The following LRCH3 variants were observed in gnomAD, a reference collection of about 807,000 sequenced individuals.
LRCH3 encodes leucine rich repeats and calponin homology domain containing 3, also known as DISP complex protein LRCH3.
In LRCH3, 68 loss-of-function variants were observed where a neutral mutation model predicts 104.5. The observed-to-expected ratio is 0.65, with a 90% confidence interval of 0.54 to 0.80. The LOEUF (loss-of-function observed/expected upper bound fraction) is 0.80. Ranked by LOEUF, LRCH3 falls within the 30% of genes least tolerant of loss-of-function variation. LRCH3 has a pLI of 0.00. For synonymous variants in LRCH3, 344 were observed against 361.3 expected, an observed-to-expected ratio of 0.95 and a Z score of 0.54; for missense variants, 951 against 953.9, an observed-to-expected ratio of 1.00 and a Z score of 0.04.
At chr3:197,838,227 C>CT (rs1467790167) in intron 9 of LRCH3, among the ~76,000 whole-genome samples, 2 of 152,196 alleles carry the variant, frequency 1.3e-5, no homozygotes, top group East Asian at 3.8e-4. Flanking sequence ...TGAGGCCGGC[C>CT]TGGGCCACAT....
rs1458954502 is a variant in LRCH3, at chr3:197,872,736, T to C, written c.2130+1274T>C. Among the ~76,000 whole-genome samples the C allele has an allele frequency of 2.0e-5, 3 of 152,092 alleles. No individual in the cohort carries two copies. The East Asian group carries it at 5.8e-4, about 29-fold the overall frequency. On this transcript the variant is annotated intron_variant, in intron 19 of 20. Coordinates refer to ENST00000425562, the MANE Select transcript of LRCH3 (RefSeq NM_001365715.1). The stretch of plus-strand genomic sequence containing the variant: ...CCAGGAGTGGTTCATACATCTGTAA[T>C]CCCAGCTACTTGGGAGGCTGAGCCA...
At chr3:197,866,309 ATAGT>A (rs1414018664) in intron 17 of LRCH3, 90 bp downstream of exon 17, 1 of 876,466 alleles carries the variant, frequency 1.1e-6, no homozygotes, top group African/African-American at 1.6e-5. Context: ...ACTTCTGCAT[ATAGT>A]ATAAGACAAA....
At chr3:197,818,059 G>A (rs1309228655) in intron 3 of LRCH3, among the ~76,000 whole-genome samples, 1 of 152,138 alleles carries the variant, frequency 6.6e-6, no homozygotes. Context: ...CTGACCTTGT[G>A]ATCTGCCCAC....
intron 19 of LRCH3, among the ~76,000 whole-genome samples, chr3:197,875,220 G>A (rs892971556): frequency 2.6e-5 from 4 of 151,900 alleles, no homozygotes; most frequent in Non-Finnish European, 5.9e-5. Context: ...GTGAGCCACC[G>A]CACCTGGCAT....
At chr3:197,841,199 T>C (rs1489115188) in intron 10 of LRCH3, among the ~76,000 whole-genome samples, 3 of 152,218 alleles carry the variant, frequency 2.0e-5, no homozygotes, top group East Asian at 3.8e-4. Context: ...ATGTGGAGAC[T>C]GTGGAGGAGA....
chr3:197,880,470 CTTTG>C (rs1018219724), intron 20 of LRCH3: 30 of 1,440,458 alleles, frequency 2.1e-5, no homozygotes, highest in Non-Finnish European at 2.8e-5. Context: ...GATCCACTGA[CTTTG>C]TTTTTCTGTT....
chr3:197,882,733 G>A (rs1041104665), intron 20 of LRCH3: 6 of 985,330 alleles, frequency 6.1e-6, no homozygotes, highest in Middle Eastern at 5.2e-4. Flanking sequence ...ACAAATTAAC[G>A]ATGCACACAT....
chr3:197,866,106 AT>A lies in LRCH3; in HGVS notation c.1766-3del. On this transcript the variant is annotated splice_region_variant and splice_polypyrimidine_tract_variant and intron_variant, in intron 16 of 20. Coordinates refer to ENST00000425562, the MANE Select transcript of LRCH3 (RefSeq NM_001365715.1). ...TAATCTCATTTTATTTTTCATGCTA[AT>A]TTAGTTCATCATTCCCCTGCATATT... 6.3e-7 allele frequency: 1 copy of A among 1,595,996 alleles called. No individual in the cohort carries two copies. Among genetic ancestry groups the A allele is most frequent in the Non-Finnish European group, 8.6e-7 (1 of 1,163,656 alleles).
intron 17 of LRCH3, 87 bp downstream of exon 17, chr3:197,866,306 C>A: frequency 1.1e-6 from 1 of 902,984 alleles, no homozygotes; most frequent in Non-Finnish European, 1.8e-6. Flanking sequence ...TAAACTTCTG[C>A]ATATAGTATA....
chr3:197,799,162 T>G (rs1731596734), intron 1 of LRCH3, among the ~76,000 whole-genome samples: 1 of 152,218 alleles, frequency 6.6e-6, no homozygotes, highest in Non-Finnish European at 1.5e-5. Context: ...CAGGTTCCAG[T>G]TCCTTTTACA....
intron 9 of LRCH3, among the ~76,000 whole-genome samples, chr3:197,836,851 T>C (rs113120944): frequency 0.031 from 4,722 of 152,138 alleles, 87 homozygotes; most frequent in East Asian, 0.048. Flanking sequence ...CTAATTTTTA[T>C]ATTTTTAGTA....
At position 197,856,955 on chromosome 3, in the gene LRCH3, C is replaced by A. The variant is rs543584853; in HGVS notation, c.1645-1879C>A. The stretch of plus-strand genomic sequence containing the variant: ...TTTGATTTAAAGACCTTGAAACTTA[C>A]GATTTGAAATGAAGATTTATAACAG... On this transcript the variant is annotated intron_variant, in intron 14 of 20. Coordinates refer to ENST00000425562, the MANE Select transcript of LRCH3 (RefSeq NM_001365715.1). The surrounding 1 kb of genome is among the most constrained non-coding windows in gnomAD (Gnocchi z 4.2). Among the ~76,000 whole-genome samples, 1 of 152,214 alleles carries A rather than the reference C, an allele frequency of 6.6e-6. No individual in the cohort carries two copies. Among genetic ancestry groups the A allele is most frequent in the Non-Finnish European group, 1.5e-5 (1 of 68,034 alleles).
chr3:197,802,178 A>G (rs1006505511), intron 1 of LRCH3, among the ~76,000 whole-genome samples: 2 of 152,182 alleles, frequency 1.3e-5, no homozygotes, highest in Admixed American at 6.5e-5. Flanking sequence ...AAGTCAACTG[A>G]TTAGTAGACT....
intron 19 of LRCH3, chr3:197,871,693 A>G: frequency 2.5e-6 from 1 of 405,808 alleles, no homozygotes. Context: ...TAGGGATATA[A>G]AAAGGGGCCA....
intron 1 of LRCH3, among the ~76,000 whole-genome samples, chr3:197,804,898 C>T (rs554628501): frequency 0.012 from 1,701 of 140,560 alleles, 23 homozygotes; most frequent in African/African-American, 0.039. Flanking sequence ...TTTTTTTTTT[C>T]TTTTTTATTT....
rs1740039350 is a variant in LRCH3, at chr3:197,854,807, C to T, written c.1644+362C>T. On this transcript the variant is annotated intron_variant, in intron 14 of 20. Coordinates refer to ENST00000425562, the MANE Select transcript of LRCH3 (RefSeq NM_001365715.1). This position sits in a 1 kb window ranked among gnomAD's most constrained non-coding sequence, Gnocchi z 4.5. Reference sequence around the variant, plus strand: ...GGGTCACCTATATGTTAAGGTGACTCATGACACTGATTGCACAGCTGTATA... The same window carrying T: ...GGGTCACCTATATGTTAAGGTGACTTATGACACTGATTGCACAGCTGTATA... Among the ~76,000 whole-genome samples, 2 of 152,080 alleles carry T rather than the reference C, an allele frequency of 1.3e-5. No individual in the cohort carries two copies. The highest frequency in any genetic ancestry group is 4.8e-5 in the African/African-American group (2 of 41,404).
intron 1 of LRCH3, among the ~76,000 whole-genome samples, chr3:197,796,592 A>G (rs1580519712): frequency 6.6e-6 from 1 of 152,252 alleles, no homozygotes; most frequent in South Asian, 2.1e-4. Context: ...AGGTCTTAAC[A>G]TATTCCAGGT....
chr3:197,881,954 A>T, intron 20 of LRCH3: 1 of 985,216 alleles, frequency 1.0e-6, no homozygotes, highest in Non-Finnish European at 1.2e-6. Context: ...TGAAACACTC[A>T]ACACTGTGAT....
chr3:197,841,477 G>A (rs1419469404), intron 10 of LRCH3, among the ~76,000 whole-genome samples: 1 of 152,020 alleles, frequency 6.6e-6, no homozygotes, highest in African/African-American at 2.4e-5. Context: ...ATTATATTAG[G>A]TCAACCTGGA....
Sources: gnomAD v4.1 joint callset for allele counts (sites outside exome capture counted in the v4.1 genomes callset) on GRCh38, gnomAD v4.1.1 for gene constraint, Gnocchi (gnomAD v3.1) non-coding constraint, MANE v1.5 for transcripts, NCBI Gene and HGNC (gene_info 2026-07-23, HGNC 2026-07-21) for gene names.